The following ATAD2B variants were observed in gnomAD, a reference collection of about 807,000 sequenced individuals.
ATAD2B encodes ATPase family AAA domain containing 2B.
A neutral mutation model predicts 167.6 loss-of-function variants in ATAD2B; 40 were observed. That is an observed-to-expected ratio of 0.24 (90% CI 0.19 to 0.31). The LOEUF (loss-of-function observed/expected upper bound fraction) is 0.31, where lower values mean the gene tolerates loss of function less well. ATAD2B is among the 10% of genes least tolerant of loss of function. The probability of loss-of-function intolerance (pLI) is 1.00; values close to 1 mark genes in which losing one functional copy is unlikely to be tolerated. For synonymous variants in ATAD2B, 579 were observed against 596.5 expected (o/e 0.97, Z 0.43); for missense variants, 1,242 against 1,757.2 (o/e 0.71, Z 5.24).
At chr2:23,792,067 C>CT (rs140695924) in intron 19 of ATAD2B, among the ~76,000 whole-genome samples, 11,755 of 145,248 alleles carry the variant, frequency 0.081, 587 homozygotes, top group South Asian at 0.12. Context: ...TAACAGCCAT[C>CT]TTTTTTTTTT....
intron 1 of ATAD2B, among the ~76,000 whole-genome samples, chr2:23,917,787 G>T (rs532381403): frequency 6.6e-6 from 1 of 151,948 alleles, no homozygotes; most frequent in Non-Finnish European, 1.5e-5. Context: ...AGCCAGGCGC[G>T]GTGGCTCACG....
rs111359211 is a variant in ATAD2B, at chr2:23,808,454, T to C, written c.2454+1862A>G. 4.7e-3 allele frequency among the ~76,000 whole-genome samples: 718 copies of C among 151,916 alleles called. 9 individuals carry two copies. The highest frequency in any genetic ancestry group is 0.015 in the African/African-American group (622 of 41,494). On this transcript the variant is annotated intron_variant, in intron 18 of 27. Transcript: ENST00000238789. The stretch of plus-strand genomic sequence containing the variant: ...CCCCCTCAGCAACTTTTAGTTTTCT[T>C]CTCATAGTCCCTTCATATTGTTTCT...
chr2:23,710,772 T>A, the ATAD2B span, among the ~76,000 whole-genome samples: 4 of 152,338 alleles, frequency 2.6e-5, no homozygotes, highest in Admixed American at 2.6e-4. Context: ...TTAGGTATTA[T>A]AAGTAATCTA....
intron 13 of ATAD2B, among the ~76,000 whole-genome samples, chr2:23,851,210 T>C (rs189156811): frequency 3.9e-5 from 6 of 152,332 alleles, no homozygotes; most frequent in Non-Finnish European, 2.9e-5. Flanking sequence ...GGTGGCACGA[T>C]TGTGGCTCAC....
intron 6 of ATAD2B, among the ~76,000 whole-genome samples, chr2:23,883,857 T>C (rs949414000): frequency 6.6e-6 from 1 of 152,188 alleles, no homozygotes; most frequent in Admixed American, 6.6e-5. Flanking sequence ...TAAAGATTAA[T>C]GCCAGGCCGG....
At chr2:23,800,966 C>T (rs1440112155) in intron 18 of ATAD2B, among the ~76,000 whole-genome samples, 11 of 151,950 alleles carry the variant, frequency 7.2e-5, no homozygotes. Context: ...CATGAAATAC[C>T]AACATCTATG....
intron 1 of ATAD2B, among the ~76,000 whole-genome samples, chr2:23,902,824 G>C (rs1188642888): frequency 6.6e-6 from 1 of 152,100 alleles, no homozygotes; most frequent in Non-Finnish European, 1.5e-5. Flanking sequence ...CCAACATTTT[G>C]GGAGACCCAG....
the ATAD2B span, among the ~76,000 whole-genome samples, chr2:23,686,583 C>T: frequency 6.6e-6 from 1 of 151,762 alleles, no homozygotes; most frequent in Non-Finnish European, 1.5e-5. Context: ...TGAGGTGTCA[C>T]GGGCATCAGA....
At chr2:23,787,364 T>C (rs1204766694) in intron 20 of ATAD2B, among the ~76,000 whole-genome samples, 1 of 151,908 alleles carries the variant, frequency 6.6e-6, no homozygotes, top group Admixed American at 6.6e-5. Context: ...ACATAGAAAA[T>C]TCAGATCTAT....
the ATAD2B span, chr2:23,695,824 A>G: frequency 2.6e-6 from 4 of 1,547,002 alleles, no homozygotes; most frequent in African/African-American, 2.7e-5. The surrounding 1 kb of genome is among the most constrained non-coding windows in gnomAD (Gnocchi z 7.6). Flanking sequence ...CTCTGCAGGT[A>G]TGAAGGGGCA....
chr2:23,823,024 A>G (rs538680852), intron 16 of ATAD2B, among the ~76,000 whole-genome samples: 1 of 151,994 alleles, frequency 6.6e-6, no homozygotes, highest in South Asian at 2.1e-4. Flanking sequence ...AGATAGTAAT[A>G]GCCCTACATT....
At chr2:23,701,787 TTTTTGC>T in the ATAD2B span, among the ~76,000 whole-genome samples, 46,316 of 115,708 alleles carry the variant, frequency 0.4, 11,354 homozygotes, top group East Asian at 0.76. Context: ...ACATGGCTTT[TTTTTGC>T]TTTTTTTTTT....
At chr2:23,888,760 C>A (rs1203371823) in intron 2 of ATAD2B, among the ~76,000 whole-genome samples, 1 of 152,094 alleles carries the variant, frequency 6.6e-6, no homozygotes, top group African/African-American at 2.4e-5. Flanking sequence ...AAATAAAATT[C>A]AAACAATGAT....
intron 22 of ATAD2B, among the ~76,000 whole-genome samples, chr2:23,775,903 G>A (rs1187007268): frequency 1.3e-5 from 2 of 152,114 alleles, no homozygotes; most frequent in South Asian, 4.1e-4. Flanking sequence ...AGATCACAAG[G>A]TCAAGAGATC....
At chr2:23,700,017 G>A in the ATAD2B span, among the ~76,000 whole-genome samples, 13 of 152,096 alleles carry the variant, frequency 8.5e-5, no homozygotes, top group African/African-American at 2.2e-4. The surrounding 1 kb of genome is among the most constrained non-coding windows in gnomAD (Gnocchi z 4.6). Flanking sequence ...AGCTACACTC[G>A]TGCCATCCTT....
rs1681158484 is a variant in ATAD2B, at chr2:23,788,500, T to C, written c.2776+12A>G. On this transcript the variant is annotated intron_variant, in intron 20 of 27. Coordinates refer to ENST00000238789, the MANE Select transcript of ATAD2B (RefSeq NM_017552.4). ...ATCCCTCCCATTTTCCTAAAGGCTTTACAAACTTTACCAGCATGTTTCCTT... is the reference window on the plus strand; with the variant it reads ...ATCCCTCCCATTTTCCTAAAGGCTTCACAAACTTTACCAGCATGTTTCCTT... 3 of 1,611,576 alleles carry C rather than the reference T, an allele frequency of 1.9e-6. No individual in the cohort carries two copies. The highest frequency in any genetic ancestry group is 2.5e-6 in the Non-Finnish European group (3 of 1,178,708).
intron 6 of ATAD2B, chr2:23,883,575 C>T (rs150821390): frequency 0.024 from 29,879 of 1,262,236 alleles, 416 homozygotes; most frequent in Non-Finnish European, 0.028. Context: ...GCAAGAATCG[C>T]ATTATAAATC....
At chr2:23,740,216 C>G in the ATAD2B span, among the ~76,000 whole-genome samples, 1 of 152,206 alleles carries the variant, frequency 6.6e-6, no homozygotes, top group Non-Finnish European at 1.5e-5. Flanking sequence ...CCAGCATCAT[C>G]CTGATACCAA....
At chr2:23,870,139 G>A (rs1304841624) in intron 8 of ATAD2B, among the ~76,000 whole-genome samples, 3 of 151,362 alleles carry the variant, frequency 2.0e-5, no homozygotes, top group Admixed American at 6.6e-5. Context: ...CCCGGGAGGC[G>A]GAGGTTGCAG....
Sources: allele counts gnomAD v4.1 joint callset (sites outside exome capture counted in the v4.1 genomes callset), GRCh38; gene constraint gnomAD v4.1.1; non-coding constraint Gnocchi (gnomAD v3.1); transcripts MANE v1.5; gene names NCBI Gene and HGNC (gene_info 2026-07-23, HGNC 2026-07-21).